Variants in PRDM11 observed in about 807,000 individuals in gnomAD.
PRDM11 encodes the protein PR domain-containing protein 11.
In PRDM11, 20 loss-of-function variants were observed where a neutral mutation model predicts 97.8. The observed-to-expected ratio is 0.20, with a 90% CI of 0.14 to 0.30. The LOEUF (loss-of-function observed/expected upper bound fraction) is 0.30, where lower values mean the gene tolerates loss of function less well. PRDM11 is among the 10% of genes least tolerant of loss of function. PRDM11 has a pLI of 1.00. For synonymous variants in PRDM11, 599 were observed against 637.7 expected (o/e 0.94, Z 0.91); for missense variants, 1,139 against 1,555.2 (o/e 0.73, Z 4.50).
chr11:45,227,181 C>T lies in PRDM11; in HGVS notation c.2556C>T (p.Val852=), dbSNP rs1173761814. ...YLEVVAHLKE[V]SSQTQRADAS... is the part of the protein sequence containing the mutation. Reference sequence around the variant, plus strand: ...AGGTGGTGGCCCATCTCAAGGAGGTCAGCAGCCAGACCCAGCGGGCAGACG... The same window carrying T: ...AGGTGGTGGCCCATCTCAAGGAGGTTAGCAGCCAGACCCAGCGGGCAGACG... The change falls in exon 8 of 8, where the codon GTC becomes GTT. Residue 852 remains valine (V), a synonymous_variant. Transcript: ENST00000683152. The surrounding 1 kb of genome is among the most constrained non-coding windows in gnomAD (Gnocchi z 8.0). 1 of 1,533,984 alleles carries T rather than the reference C, an allele frequency of 6.5e-7. No homozygotes were observed. Among genetic ancestry groups the T allele is most frequent in the Non-Finnish European group, 8.7e-7 (1 of 1,146,744 alleles).
intron 1 of PRDM11, among the ~76,000 whole-genome samples, chr11:45,102,435 G>A (rs952715878): frequency 6.6e-6 from 1 of 152,204 alleles, no homozygotes; most frequent in African/African-American, 2.4e-5. Context: ...AAAGACTAAA[G>A]TTCAGCCTTG....
At chr11:45,146,937 G>C (rs1443815990) in intron 1 of PRDM11, 60 bp downstream of exon 1, 1 of 146,058 alleles carries the variant, frequency 6.8e-6, no homozygotes, top group Non-Finnish European at 1.5e-5. Flanking sequence ...GCGCTCGGCA[G>C]TTTGCCAGCG....
At chr11:45,180,554 C>G (rs1370375164) in intron 1 of PRDM11, among the ~76,000 whole-genome samples, 6 of 151,646 alleles carry the variant, frequency 4.0e-5, no homozygotes, top group Non-Finnish European at 8.8e-5. Context: ...ACCGCCCCGC[C>G]CGGGCGCCCG....
chr11:45,205,151 G>A (rs140614828), intron 5 of PRDM11, among the ~76,000 whole-genome samples: 23 of 152,340 alleles, frequency 1.5e-4, no homozygotes, highest in African/African-American at 5.5e-4. Flanking sequence ...AATCGTCCCA[G>A]TGCAGCCCCA....
At chr11:45,208,360 T>C (rs1337473744) in intron 5 of PRDM11, among the ~76,000 whole-genome samples, 1 of 152,168 alleles carries the variant, frequency 6.6e-6, no homozygotes, top group Non-Finnish European at 1.5e-5. Flanking sequence ...GTGTAAATAG[T>C]TTCCCTGGTT....
chr11:45,202,182 C>T (rs572622642), intron 4 of PRDM11, among the ~76,000 whole-genome samples: 1 of 152,262 alleles, frequency 6.6e-6, no homozygotes, highest in South Asian at 2.1e-4. Flanking sequence ...ACCAGTATTC[C>T]ACCATGTGCC....
At position 45,131,280 on chromosome 11, in the gene PRDM11, G is replaced by A. The variant is rs76176978; in HGVS notation, c.96+35379G>A. On this transcript the variant is annotated intron_variant, in intron 1 of 6. Transcript: ENST00000530656. ...GGAACAAATGATTCCCCCATGACTC[G>A]AAATGCTCTGTTTCTTGATTTGGGT... Among the ~76,000 whole-genome samples the A allele has an allele frequency of 5.8e-3, 881 of 152,304 alleles. 7 individuals carry two copies. The highest frequency in any genetic ancestry group is 0.02 in the African/African-American group (826 of 41,574).
intron 1 of PRDM11, among the ~76,000 whole-genome samples, chr11:45,115,141 ATG>A (rs72077365): frequency 5.6e-4 from 84 of 149,468 alleles, no homozygotes; most frequent in South Asian, 3.2e-3. Context: ...TGTATATAGC[ATG>A]TGTGTGTGTG....
At chr11:45,105,653 C>G (rs1278042117) in intron 1 of PRDM11, among the ~76,000 whole-genome samples, 1 of 152,248 alleles carries the variant, frequency 6.6e-6, no homozygotes, top group East Asian at 1.9e-4. Context: ...CTGGGATTGC[C>G]CTTCCCAACA....
At chr11:45,195,730 T>C (rs1853099763) in intron 4 of PRDM11, among the ~76,000 whole-genome samples, 1 of 152,034 alleles carries the variant, frequency 6.6e-6, no homozygotes, top group African/African-American at 2.4e-5. Flanking sequence ...TACACCACTA[T>C]GCCCAGCTCT....
intron 1 of PRDM11, among the ~76,000 whole-genome samples, chr11:45,164,299 G>A (rs1472594450): frequency 4.6e-5 from 7 of 152,236 alleles, no homozygotes; most frequent in African/African-American, 4.8e-5. Flanking sequence ...AGAAGACCCC[G>A]GAGACAGAGG....
At position 45,099,450 on chromosome 11, in the gene PRDM11, T is replaced by TAAAAAAA. The variant is rs532403075; in HGVS notation, c.96+3568_96+3574dup. On this transcript the variant is annotated intron_variant, in intron 1 of 6. Coordinates refer to the PRDM11 transcript ENST00000530656. ...TGGGTAACAGAGTGAGACTCCATCTTAAAAAAAAAAAAAAAAAAAAAAAAA... is the reference window on the plus strand; with the variant it reads ...TGGGTAACAGAGTGAGACTCCATCTTAAAAAAAAAAAAAAAAAAAAAAAAAAAAAAAA... Among the ~76,000 whole-genome samples, 180 of 95,214 alleles carry TAAAAAAA rather than the reference T, an allele frequency of 1.9e-3. 2 individuals are homozygous for TAAAAAAA. The highest frequency in any genetic ancestry group is 7.3e-3 in the African/African-American group (179 of 24,388). 62.5% of individuals were successfully genotyped at this position (95,214 alleles called of 152,430 possible). A position where few individuals can be genotyped will look rare whatever the true frequency, so the allele number is the denominator to read the frequency against.
In PRDM11 at chr11:45,208,581, G is replaced by T. The variant is rs111397715; in HGVS notation, c.554+3803G>T. Among the ~76,000 whole-genome samples, 413 of 152,280 alleles carry T rather than the reference G, an allele frequency of 2.7e-3. 2 individuals are homozygous for T. The highest frequency in any genetic ancestry group is 9.3e-3 in the African/African-American group (386 of 41,566). On this transcript the variant is annotated intron_variant, in intron 5 of 7. Transcript: ENST00000683152. ...GGACAGGGAGAATAAGGTGTGAAAG[G>T]TTGAACATGAACTGCCCTAGCTCTC...
chr11:45,126,733 T>G (rs1852583757), intron 1 of PRDM11, among the ~76,000 whole-genome samples: 1 of 152,222 alleles, frequency 6.6e-6, no homozygotes, highest in African/African-American at 2.4e-5. Context: ...CTTCCCTTTG[T>G]GGGTAACCCG....
chr11:45,189,959 A>G (rs1334761985), intron 4 of PRDM11, among the ~76,000 whole-genome samples: 1 of 152,172 alleles, frequency 6.6e-6, no homozygotes, highest in Non-Finnish European at 1.5e-5. Context: ...GGTGCTTTTC[A>G]TGCTTGCTTG....
At chr11:45,110,267 A>G (rs1852144154) in intron 1 of PRDM11, among the ~76,000 whole-genome samples, 2 of 152,100 alleles carry the variant, frequency 1.3e-5, no homozygotes, top group South Asian at 2.1e-4. Context: ...AGTGGCAGCT[A>G]AGCTTCGGAG....
chr11:45,103,647 C>T (rs1852016448), intron 1 of PRDM11, among the ~76,000 whole-genome samples: 2 of 151,248 alleles, frequency 1.3e-5, no homozygotes, highest in South Asian at 4.2e-4. Flanking sequence ...TTGATGGTCA[C>T]ACGGTTTTAA....
In PRDM11 at chr11:45,227,505, G is replaced by A; in HGVS notation, c.2880G>A (p.Arg960=). The change falls in exon 8 of 8, where the codon AGG becomes AGA. Residue 960 remains arginine (R), a synonymous_variant. Transcript: ENST00000683152. This position sits in a 1 kb window ranked among gnomAD's most constrained non-coding sequence, Gnocchi z 8.0. ...CTGAAGCCAAGTTCCAGTCCATCAGGGAGAAGATCTGCCAGAAGACCCAGG... is the reference window on the plus strand; with the variant it reads ...CTGAAGCCAAGTTCCAGTCCATCAGAGAGAAGATCTGCCAGAAGACCCAGG... ...RVAEAKFQSI[R]EKICQKTQVI... The A allele has an allele frequency of 6.5e-7, 1 of 1,533,878 alleles. No homozygotes were observed. Among genetic ancestry groups the A allele is most frequent in the Non-Finnish European group, 8.7e-7 (1 of 1,146,734 alleles).
In PRDM11 at chr11:45,195,059, T is replaced by C. The variant is rs116356201; in HGVS notation, c.487-9652T>C. On this transcript the variant is annotated intron_variant, in intron 4 of 7. Transcript: ENST00000683152. Reference sequence around the variant, plus strand: ...GAATATCTAGAATGCCTTCCTGGCATCCCATTGCTGGTCTTCCCACTTGCA... The same window carrying C: ...GAATATCTAGAATGCCTTCCTGGCACCCCATTGCTGGTCTTCCCACTTGCA... 6.7e-3 allele frequency among the ~76,000 whole-genome samples: 1,019 copies of C among 152,060 alleles called. 14 individuals are homozygous for C. Among genetic ancestry groups the C allele is most frequent in the African/African-American group, 0.024 (975 of 41,450 alleles).
Sources: allele counts gnomAD v4.1 joint callset (sites outside exome capture counted in the v4.1 genomes callset), GRCh38; gene constraint gnomAD v4.1.1; non-coding constraint Gnocchi (gnomAD v3.1); transcripts MANE v1.5; gene names NCBI Gene and HGNC (gene_info 2026-07-23, HGNC 2026-07-21).